The following RFX3 variants were observed in gnomAD, a reference collection of about 807,000 sequenced individuals.
The protein encoded by RFX3 is transcription factor RFX3.
RFX3 carries 14 observed loss-of-function variants against 98.6 expected under a neutral mutation model. The ratio of observed to expected loss-of-function variants is 0.14; its 90% CI spans 0.09 to 0.22. The LOEUF (loss-of-function observed/expected upper bound fraction) is 0.22, where lower values mean the gene tolerates loss of function less well. Among genes scored for constraint, RFX3 ranks in the 10% least tolerant of loss-of-function variants. The pLI is 1.00. For synonymous variants in RFX3, 383 were observed against 328.4 expected (o/e 1.17, Z -1.80); for missense variants, 639 against 926.9 (o/e 0.69, Z 4.03).
chr9:3,494,607 A>G (rs1206416904), intron 1 of RFX3, among the ~76,000 whole-genome samples: 1 of 152,176 alleles, frequency 6.6e-6, no homozygotes, highest in Non-Finnish European at 1.5e-5. Context: ...ATCTGATTAG[A>G]AAATAAAACA....
intron 1 of RFX3, among the ~76,000 whole-genome samples, chr9:3,447,749 A>G (rs1019754964): frequency 6.6e-6 from 1 of 152,180 alleles, no homozygotes; most frequent in Admixed American, 6.5e-5. Flanking sequence ...GCATGAATTA[A>G]GTAAGAAGCA....
chr9:3,263,564 A>G (rs1460414497), intron 12 of RFX3, among the ~76,000 whole-genome samples: 1 of 152,208 alleles, frequency 6.6e-6, no homozygotes, highest in Non-Finnish European at 1.5e-5. Context: ...ATGTGAGAGC[A>G]TTACCATTCA....
intron 2 of RFX3, among the ~76,000 whole-genome samples, chr9:3,376,961 T>C (rs1838605591): frequency 6.6e-6 from 1 of 152,082 alleles, no homozygotes; most frequent in African/African-American, 2.4e-5. Flanking sequence ...CTGGAGAGGA[T>C]GTGGAGAAAT....
intron 1 of RFX3, among the ~76,000 whole-genome samples, chr9:3,499,690 T>A (rs1056827087): frequency 2.0e-5 from 3 of 151,478 alleles, no homozygotes; most frequent in Non-Finnish European, 4.4e-5. Flanking sequence ...TACTTATTTT[T>A]AAATAAGCCT....
chr9:3,398,127 C>T (rs1841086704), intron 1 of RFX3, among the ~76,000 whole-genome samples: 1 of 151,980 alleles, frequency 6.6e-6, no homozygotes. Context: ...GTACTGATCT[C>T]CAAACACACA....
At chr9:3,347,775 G>A (rs1265654371) in intron 2 of RFX3, among the ~76,000 whole-genome samples, 1 of 151,922 alleles carries the variant, frequency 6.6e-6, no homozygotes, top group Non-Finnish European at 1.5e-5. Flanking sequence ...GCAGCGAGCC[G>A]AGACTGTGCC....
intron 1 of RFX3, among the ~76,000 whole-genome samples, chr9:3,506,968 G>C (rs1028080677): frequency 6.6e-6 from 1 of 151,906 alleles, no homozygotes; most frequent in African/African-American, 2.4e-5. Context: ...TTTTTAAATA[G>C]TGAAATGTGT....
chr9:3,351,078 T>C (rs533563845), intron 2 of RFX3, among the ~76,000 whole-genome samples: 1 of 151,458 alleles, frequency 6.6e-6, no homozygotes, highest in Non-Finnish European at 1.5e-5. Flanking sequence ...TGAACTCTAA[T>C]ATAAATTTTA....
chr9:3,504,850 T>A (rs1242644653), intron 1 of RFX3, among the ~76,000 whole-genome samples: 9 of 29,682 alleles, frequency 3.0e-4, no homozygotes, highest in East Asian at 2.9e-3. Flanking sequence ...ATATATATAT[T>A]ATATATGATA....
chr9:3,370,355 T>A (rs1837701865), intron 2 of RFX3, among the ~76,000 whole-genome samples: 1 of 151,908 alleles, frequency 6.6e-6, no homozygotes, highest in South Asian at 2.1e-4. Context: ...TTATGATTCC[T>A]TTTTCCAACC....
intron 3 of RFX3, among the ~76,000 whole-genome samples, chr9:3,336,565 G>A (rs1254987340): frequency 6.6e-6 from 1 of 152,020 alleles, no homozygotes; most frequent in African/African-American, 2.4e-5. Context: ...AAAATTTTAG[G>A]AAGACAGTAC....
At chr9:3,428,302 T>A (rs1418435625) in intron 1 of RFX3, among the ~76,000 whole-genome samples, 2 of 152,194 alleles carry the variant, frequency 1.3e-5, no homozygotes, top group East Asian at 1.9e-4. Flanking sequence ...CCAACTTGTA[T>A]AATTTATCAG....
intron 4 of RFX3, among the ~76,000 whole-genome samples, chr9:3,327,888 T>TCA (rs1554666759): frequency 0.063 from 9,254 of 146,884 alleles, 922 homozygotes; most frequent in African/African-American, 0.22. Context: ...GTATACCTTA[T>TCA]CAAAAAAAAA....
intron 1 of RFX3, among the ~76,000 whole-genome samples, chr9:3,476,167 T>A (rs888712750): frequency 2.1e-4 from 32 of 149,646 alleles, no homozygotes; most frequent in African/African-American, 6.8e-4. Context: ...ATGATACTCA[T>A]ATATAATATA....
chr9:3,418,795 A>C (rs1244605065), intron 1 of RFX3, among the ~76,000 whole-genome samples: 3 of 152,244 alleles, frequency 2.0e-5, no homozygotes, highest in Non-Finnish European at 4.4e-5. Context: ...ATATTTTTAA[A>C]AAGACAAATT....
intron 5 of RFX3, among the ~76,000 whole-genome samples, chr9:3,295,727 T>C (rs987210979): frequency 2.6e-5 from 4 of 152,110 alleles, no homozygotes; most frequent in African/African-American, 9.7e-5. Flanking sequence ...TGATTTGTTC[T>C]GAGTAAAGAA....
intron 1 of RFX3, among the ~76,000 whole-genome samples, chr9:3,491,350 GGCA>G (rs1258172956): frequency 6.6e-6 from 1 of 152,000 alleles, no homozygotes; most frequent in East Asian, 1.9e-4. Context: ...AAAAGAATTT[GGCA>G]ATTTTAACCA....
intron 2 of RFX3, among the ~76,000 whole-genome samples, chr9:3,363,490 T>G (rs1023211398): frequency 2.0e-5 from 3 of 152,222 alleles, no homozygotes; most frequent in African/African-American, 7.2e-5. Flanking sequence ...GGTATAGAAC[T>G]GGAAATTACA....
intron 1 of RFX3, among the ~76,000 whole-genome samples, chr9:3,463,729 G>A (rs963281013): frequency 6.6e-6 from 1 of 152,094 alleles, no homozygotes; most frequent in Admixed American, 6.5e-5. Context: ...CCAACACTTT[G>A]GGAGGCCATG....
Sources: allele counts gnomAD v4.1 joint callset (sites outside exome capture counted in the v4.1 genomes callset), GRCh38; gene constraint gnomAD v4.1.1; transcripts MANE v1.5; gene names NCBI Gene and HGNC (gene_info 2026-07-23, HGNC 2026-07-21).